The following NAA25 variants were observed in gnomAD, a reference collection of about 807,000 sequenced individuals.
NAA25 encodes N-terminal acetyltransferase B complex subunit NAA25.
A neutral mutation model predicts 132.5 loss-of-function variants in NAA25; 30 were observed. The observed-to-expected ratio is 0.23, with a 90% CI of 0.17 to 0.31. The LOEUF (loss-of-function observed/expected upper bound fraction) is 0.31. Ranked by LOEUF, NAA25 falls within the 10% of genes least tolerant of loss-of-function variation. The pLI, the probability that NAA25 is intolerant of heterozygous loss-of-function variation, is 1.00. For missense variants in NAA25, 771 were observed against 1,150.4 expected (o/e 0.67, Z 4.77); for synonymous variants, 359 against 401.9 (o/e 0.89, Z 1.28).
intron 1 of NAA25, among the ~76,000 whole-genome samples, 174 bp from the exon 2 acceptor site, chr12:112,093,310 C>T (rs147130829): frequency 0.017 from 2,598 of 151,996 alleles, 28 homozygotes; most frequent in Non-Finnish European, 0.028. Flanking sequence ...GAGCCCGAGG[C>T]AGATGGATCA....
At chr12:112,056,932 G>A (rs942418381) in intron 13 of NAA25, among the ~76,000 whole-genome samples, 13 of 152,200 alleles carry the variant, frequency 8.5e-5, no homozygotes, top group African/African-American at 2.9e-4. Context: ...GCTCACGCCT[G>A]AAATCCCAGC....
intron 7 of NAA25, among the ~76,000 whole-genome samples, chr12:112,076,770 C>G (rs2078900724): frequency 6.6e-6 from 1 of 151,648 alleles, no homozygotes; most frequent in Non-Finnish European, 1.5e-5. Context: ...CTGAAGCAGG[C>G]AGATCGCTTG....
chr12:112,031,181 C>G (rs957067270), intron 23 of NAA25, among the ~76,000 whole-genome samples: 1 of 152,192 alleles, frequency 6.6e-6, no homozygotes, highest in Non-Finnish European at 1.5e-5. Flanking sequence ...GCCAGTTTCA[C>G]TGGGATACCC....
chr12:112,101,417 T>TG (rs1293026458), intron 1 of NAA25, among the ~76,000 whole-genome samples: 1 of 151,780 alleles, frequency 6.6e-6, no homozygotes, highest in Non-Finnish European at 1.5e-5. Flanking sequence ...ACAAATTGTA[T>TG]GGGGGAAAAA....
chr12:112,050,283 T>C (rs2078444362), intron 15 of NAA25, among the ~76,000 whole-genome samples: 1 of 152,110 alleles, frequency 6.6e-6, no homozygotes, highest in South Asian at 2.1e-4. Flanking sequence ...AACCCCCTAC[T>C]GGAACTGCAG....
rs540822296 is a variant in NAA25 at position 112,054,650 on chromosome 12, C to T, written c.1448-82G>A. The T allele has an allele frequency of 3.3e-5, 40 of 1,212,372 alleles. No homozygotes were observed. In the African/African-American group the frequency reaches 5.9e-4, roughly 18 times the overall value. The allele number at this position is 1,212,372 out of a possible 1,614,324, so 75.1% of individuals were successfully genotyped here. On this transcript the variant is annotated intron_variant, in intron 13 of 23. Transcript: ENST00000261745. The stretch of plus-strand genomic sequence containing the variant: ...AAAACAAAAAACAAAACCTTATTGA[C>T]ATCATCACCCCCCCCAATAAATGAA...
At chr12:112,102,878 C>T (rs2079314452) in intron 1 of NAA25, among the ~76,000 whole-genome samples, 1 of 152,014 alleles carries the variant, frequency 6.6e-6, no homozygotes, top group African/African-American at 2.4e-5. Flanking sequence ...TTAGTAGAGA[C>T]GGAGTTTCAC....
intron 3 of NAA25, among the ~76,000 whole-genome samples, chr12:112,088,320 T>TTA: frequency 7.1e-6 from 1 of 140,128 alleles, no homozygotes; most frequent in East Asian, 2.1e-4. Flanking sequence ...TATTGTAGTT[T>TTA]TTTTTTTTTT....
intron 1 of NAA25, among the ~76,000 whole-genome samples, chr12:112,093,634 C>T (rs947595383): frequency 6.6e-6 from 1 of 152,218 alleles, no homozygotes; most frequent in Non-Finnish European, 1.5e-5. Flanking sequence ...AATCCCAGTA[C>T]TTTGGGAGGC....
chr12:112,085,646 C>T (rs2079035291), intron 4 of NAA25, among the ~76,000 whole-genome samples: 1 of 151,862 alleles, frequency 6.6e-6, no homozygotes, highest in Non-Finnish European at 1.5e-5. Context: ...ATATACTTTG[C>T]TTAAAACATA....
intron 13 of NAA25, among the ~76,000 whole-genome samples, chr12:112,059,109 A>C (rs1229001446): frequency 5.1e-5 from 5 of 97,612 alleles, no homozygotes; most frequent in Non-Finnish European, 9.6e-5. Flanking sequence ...AAAAAAAAAA[A>C]AAAAAAAAAA....
At chr12:112,056,753 C>A (rs1341544950) in intron 13 of NAA25, among the ~76,000 whole-genome samples, 1 of 152,118 alleles carries the variant, frequency 6.6e-6, no homozygotes, top group East Asian at 1.9e-4. Context: ...AGAAGCCCTG[C>A]ATCTTCACAA....
intron 4 of NAA25, among the ~76,000 whole-genome samples, chr12:112,086,553 T>C (rs1347070791): frequency 6.6e-6 from 1 of 151,966 alleles, no homozygotes; most frequent in Non-Finnish European, 1.5e-5. Context: ...AAACTTAAAA[T>C]ATAGAGACTG....
At chr12:112,066,789 G>A (rs2078724827) in intron 11 of NAA25, among the ~76,000 whole-genome samples, 1 of 152,158 alleles carries the variant, frequency 6.6e-6, no homozygotes, top group African/African-American at 2.4e-5. Flanking sequence ...TTACTTATCA[G>A]TTGGGGAATG....
chr12:112,092,470 A>G (rs2079147546), intron 2 of NAA25, among the ~76,000 whole-genome samples: 1 of 151,974 alleles, frequency 6.6e-6, no homozygotes, highest in African/African-American at 2.4e-5. Context: ...ACTAAAAAAT[A>G]TACAAAATTA....
rs188518743 is a variant in NAA25 at position 112,082,387 on chromosome 12, T to C, written c.403-1253A>G. ...GAGATTGAGACCAGCCTGGGCAACA[T>C]TGTAAAACCTTACACACACACATAT... is the stretch of plus-strand genomic sequence containing the variant. On this transcript the variant is annotated intron_variant, in intron 4 of 23. Transcript: ENST00000261745. 4.0e-4 allele frequency among the ~76,000 whole-genome samples: 61 copies of C among 151,732 alleles called. 1 individual carries two copies. The East Asian group carries it at 7.8e-3, about 19-fold the overall frequency.
intron 17 of NAA25, among the ~76,000 whole-genome samples, chr12:112,045,835 A>G (rs1289010948): frequency 6.6e-6 from 1 of 152,158 alleles, no homozygotes; most frequent in African/African-American, 2.4e-5. Context: ...ACACAACTTA[A>G]CAATTTTAAA....
chr12:112,096,056 C>A (rs1306485793), intron 1 of NAA25, among the ~76,000 whole-genome samples: 2 of 152,078 alleles, frequency 1.3e-5, no homozygotes, highest in Admixed American at 1.3e-4. Flanking sequence ...ATAAGGGAAA[C>A]CATGGGGATG....
intron 22 of NAA25, among the ~76,000 whole-genome samples, chr12:112,035,797 C>T (rs971287284): frequency 6.6e-6 from 1 of 151,810 alleles, no homozygotes; most frequent in African/African-American, 2.4e-5. Context: ...CCTGCTTCAG[C>T]CTCCTGAGTA....
Sources: gnomAD v4.1 joint callset for allele counts (sites outside exome capture counted in the v4.1 genomes callset) on GRCh38, gnomAD v4.1.1 for gene constraint, MANE v1.5 for transcripts, NCBI Gene and HGNC (gene_info 2026-07-23, HGNC 2026-07-21) for gene names.